RSRC1: variants seen among roughly 807,000 people sequenced by gnomAD.
RSRC1 encodes the protein arginine and serine rich coiled-coil 1.
In RSRC1, 39 loss-of-function variants were observed where a neutral mutation model predicts 49.1. The ratio of observed to expected loss-of-function variants is 0.79; its 90% confidence interval spans 0.61 to 1.04. RSRC1 has a LOEUF of 1.04. RSRC1 is among the 50% of genes least tolerant of loss of function. The pLI is 0.00. For synonymous variants in RSRC1, 143 were observed against 130.8 expected (o/e 1.09, Z -0.63); for missense variants, 388 against 402.4 (o/e 0.96, Z 0.31).
chr3:158,203,341 T>C (rs1042880424), intron 4 of RSRC1, 96 bp downstream of exon 4: 10 of 1,298,358 alleles, frequency 7.7e-6, no homozygotes, highest in South Asian at 3.2e-5. Flanking sequence ...TTGTGGCTTA[T>C]TTGCTATAAG....
intron 5 of RSRC1, among the ~76,000 whole-genome samples, chr3:158,350,179 A>ATAATT (rs1730792537): frequency 8.4e-4 from 106 of 126,530 alleles, no homozygotes; most frequent in Middle Eastern, 4.2e-3. Flanking sequence ...TATATATATA[A>ATAATT]TTTTTTTTTT....
chr3:158,240,585 CT>C (rs1723515712), intron 4 of RSRC1, among the ~76,000 whole-genome samples: 1 of 152,118 alleles, frequency 6.6e-6, no homozygotes, highest in African/African-American at 2.4e-5. Context: ...CGTAATTTTT[CT>C]TTCCTGTTCT....
At chr3:158,121,631 T>C (rs1715267375) in intron 1 of RSRC1, among the ~76,000 whole-genome samples, 1 of 152,176 alleles carries the variant, frequency 6.6e-6, no homozygotes, top group Non-Finnish European at 1.5e-5. Context: ...AATTCAACTC[T>C]AAGATAGTAA....
At chr3:158,198,924 T>C (rs1178902225) in intron 3 of RSRC1, among the ~76,000 whole-genome samples, 1 of 152,220 alleles carries the variant, frequency 6.6e-6, no homozygotes, top group East Asian at 1.9e-4. Context: ...TTACTGCTGC[T>C]GAAAGCCATG....
At chr3:158,370,417 T>C (rs918754033) in intron 6 of RSRC1, among the ~76,000 whole-genome samples, 6 of 151,986 alleles carry the variant, frequency 3.9e-5, no homozygotes, top group African/African-American at 1.4e-4. Context: ...GTCAATTCTC[T>C]CTCCCTATTC....
chr3:158,466,908 G>A (rs1231188315), intron 7 of RSRC1, among the ~76,000 whole-genome samples: 1 of 151,986 alleles, frequency 6.6e-6, no homozygotes, highest in Non-Finnish European at 1.5e-5. Flanking sequence ...AAAGAAAAAA[G>A]ATTAGTCAGG....
intron 4 of RSRC1, among the ~76,000 whole-genome samples, chr3:158,208,063 C>T (rs1721448507): frequency 6.6e-6 from 1 of 152,156 alleles, no homozygotes; most frequent in Admixed American, 6.5e-5. Flanking sequence ...CTAAAAGATG[C>T]CTTTCCTTAT....
At chr3:158,409,348 G>T (rs190050214) in intron 6 of RSRC1, among the ~76,000 whole-genome samples, 34 of 152,242 alleles carry the variant, frequency 2.2e-4, no homozygotes, top group Non-Finnish European at 4.6e-4. Flanking sequence ...GGGATATAAA[G>T]AGTCCAGCAA....
At chr3:158,488,275 T>G in intron 7 of RSRC1, among the ~76,000 whole-genome samples, 2 of 152,186 alleles carry the variant, frequency 1.3e-5, no homozygotes. Flanking sequence ...TAAAAAATTC[T>G]AAATAATAGG....
intron 6 of RSRC1, among the ~76,000 whole-genome samples, chr3:158,414,535 G>A (rs1287327225): frequency 2.6e-5 from 4 of 152,044 alleles, no homozygotes; most frequent in East Asian, 1.9e-4. Flanking sequence ...CATCCAGCAC[G>A]TGTATTCCAG....
chr3:158,299,379 A>G (rs183341938), intron 5 of RSRC1, among the ~76,000 whole-genome samples: 2 of 151,766 alleles, frequency 1.3e-5, no homozygotes, highest in African/African-American at 4.8e-5. Context: ...TTTCTCCCAG[A>G]TTAGTGTGCA....
At chr3:158,167,260 C>A (rs1718592784) in intron 3 of RSRC1, among the ~76,000 whole-genome samples, 1 of 152,130 alleles carries the variant, frequency 6.6e-6, no homozygotes, top group African/African-American at 2.4e-5. Context: ...GATCTCGGCT[C>A]ACTGCAACCT....
At chr3:158,326,521 C>G (rs978188775) in intron 5 of RSRC1, among the ~76,000 whole-genome samples, 1 of 151,870 alleles carries the variant, frequency 6.6e-6, no homozygotes, top group African/African-American at 2.4e-5. Flanking sequence ...TGTGTATATG[C>G]TGGATTACAT....
chr3:158,212,979 G>T (rs1327260517), intron 4 of RSRC1, among the ~76,000 whole-genome samples: 2 of 151,876 alleles, frequency 1.3e-5, no homozygotes, highest in African/African-American at 4.8e-5. Context: ...GTGATCATTG[G>T]AGTGGCATCT....
chr3:158,298,695 T>C (rs1191286623), intron 5 of RSRC1, among the ~76,000 whole-genome samples: 1 of 152,146 alleles, frequency 6.6e-6, no homozygotes, highest in Non-Finnish European at 1.5e-5. Context: ...TGAAATTCAT[T>C]GAGCCCACTG....
intron 3 of RSRC1, among the ~76,000 whole-genome samples, chr3:158,187,970 T>C (rs962073600): frequency 6.6e-6 from 1 of 151,938 alleles, no homozygotes; most frequent in Non-Finnish European, 1.5e-5. Context: ...AATTTAAGCA[T>C]TAATTGAAGT....
At chr3:158,240,272 T>A (rs1185806410) in intron 4 of RSRC1, among the ~76,000 whole-genome samples, 1 of 152,126 alleles carries the variant, frequency 6.6e-6, no homozygotes, top group Non-Finnish European at 1.5e-5. Flanking sequence ...TTGTTCTTGG[T>A]TTTTGGTAGT....
chr3:158,236,414 G>A (rs941524877), intron 4 of RSRC1, among the ~76,000 whole-genome samples: 4 of 152,232 alleles, frequency 2.6e-5, no homozygotes, highest in East Asian at 1.9e-4. Context: ...ACATTCATTC[G>A]TGTAACCCAC....
chr3:158,129,583 G>A (rs973714784), intron 3 of RSRC1, among the ~76,000 whole-genome samples: 6 of 152,060 alleles, frequency 3.9e-5, no homozygotes, highest in Admixed American at 6.6e-5. Flanking sequence ...AAGCCACCGC[G>A]CCTGGCCAGT....
Sources: gnomAD v4.1 joint callset for allele counts (sites outside exome capture counted in the v4.1 genomes callset) on GRCh38, gnomAD v4.1.1 for gene constraint, MANE v1.5 for transcripts, NCBI Gene and HGNC (gene_info 2026-07-23, HGNC 2026-07-21) for gene names.